The following C1orf87 variants were observed in gnomAD, a reference collection of about 807,000 sequenced individuals.
C1orf87 encodes uncharacterized protein C1orf87.
C1orf87 carries 58 observed loss-of-function variants against 60.5 expected under a neutral mutation model. That is an observed-to-expected ratio of 0.96 (90% confidence interval 0.78 to 1.19). The LOEUF is 1.19. Ranked by LOEUF, C1orf87 falls within the 50% of genes most tolerant of loss-of-function variation. The pLI is 0.00. For synonymous variants in C1orf87, 236 were observed against 227.4 expected, an observed-to-expected ratio of 1.04 and a Z score of -0.34; for missense variants, 673 against 638.6, an observed-to-expected ratio of 1.05 and a Z score of -0.58.
At chr1:60,049,243 G>T (rs960933414) in intron 3 of C1orf87, among the ~76,000 whole-genome samples, 5 of 151,902 alleles carry the variant, frequency 3.3e-5, no homozygotes, top group African/African-American at 1.2e-4. Context: ...TTCCAACAAA[G>T]TATATTATCA....
intron 9 of C1orf87, among the ~76,000 whole-genome samples, chr1:60,006,749 G>C (rs1053056414): frequency 6.6e-6 from 1 of 151,908 alleles, no homozygotes; most frequent in Non-Finnish European, 1.5e-5. Context: ...TGTCTTAATG[G>C]GAGTTCATCA....
At chr1:60,028,340 C>G (rs547945345) in intron 7 of C1orf87, among the ~76,000 whole-genome samples, 4 of 152,206 alleles carry the variant, frequency 2.6e-5, no homozygotes, top group African/African-American at 9.6e-5. Flanking sequence ...ATCAGGGTTC[C>G]TAGAAGCAGA....
chr1:60,033,618 G>A lies in C1orf87; in HGVS notation c.887C>T (p.Ser296Leu). 1.2e-6 allele frequency: 2 copies of A among 1,613,072 alleles called. No homozygotes were observed. The highest frequency in any genetic ancestry group is 1.7e-6 in the Non-Finnish European group (2 of 1,179,448). ...CAGACTCCTGTTCACTTCTGGCTGTGAGCTGGAGTGCTGAGGTGGAGTGCT... is the reference window on the plus strand; with the variant it reads ...CAGACTCCTGTTCACTTCTGGCTGTAAGCTGGAGTGCTGAGGTGGAGTGCT... ...SQSTPPQHSSSQPEVNRSLLE... is the reference protein window; with the variant it reads ...SQSTPPQHSSLQPEVNRSLLE... The change falls in exon 7 of 12, where the codon TCA (serine) becomes TTA (leucine). Residue 296 changes from serine to leucine, a missense_variant. Coordinates refer to ENST00000371201, the MANE Select transcript of C1orf87 (RefSeq NM_152377.3).
chr1:60,032,222 T>C (rs1234539150), intron 7 of C1orf87, among the ~76,000 whole-genome samples: 3 of 152,084 alleles, frequency 2.0e-5, no homozygotes, highest in Non-Finnish European at 2.9e-5. Context: ...CTAACAGGGA[T>C]TTTTTGGCCT....
At position 60,033,500 on chromosome 1, in the gene C1orf87, G is replaced by A. The variant is rs1251926055; in HGVS notation, c.1005C>T (p.Phe335=). ...NLSFRKEDRS[F]SGCLPLPKVR... ...CCTTAGGTAGAGGGAGGCAGCCAGA[G>A]AACGAGCGATCTTCTTTTCGAAAAC... Residue 335 remains phenylalanine (F), a synonymous_variant, in exon 7 of 12, where the codon TTC becomes TTT. Transcript: ENST00000371201. 5.6e-6 allele frequency: 9 copies of A among 1,613,938 alleles called. No homozygotes were observed. The Middle Eastern group carries it at 6.6e-4, about 118-fold the overall frequency.
chr1:60,064,141 T>C (rs1280919427), intron 2 of C1orf87, among the ~76,000 whole-genome samples: 1 of 151,262 alleles, frequency 6.6e-6, no homozygotes, highest in East Asian at 1.9e-4. Context: ...CTCCAAGTTG[T>C]TCAGTTTTGG....
At chr1:60,020,424 G>GTC (rs1645155270) in intron 8 of C1orf87, among the ~76,000 whole-genome samples, 2 of 152,342 alleles carry the variant, frequency 1.3e-5, no homozygotes, top group Non-Finnish European at 2.9e-5. Context: ...AGCAGTCAAA[G>GTC]TAGCTGTACC....
chr1:60,023,686 A>G (rs1344233303), intron 8 of C1orf87, among the ~76,000 whole-genome samples: 1 of 152,174 alleles, frequency 6.6e-6, no homozygotes, highest in Non-Finnish European at 1.5e-5. Flanking sequence ...ATTAAAGTCC[A>G]TAATTCCAAT....
At chr1:60,068,863 G>A (rs188283287) in intron 2 of C1orf87, among the ~76,000 whole-genome samples, 6 of 152,050 alleles carry the variant, frequency 3.9e-5, no homozygotes, top group South Asian at 4.2e-4. Flanking sequence ...CTCCTGTCAC[G>A]TGGCATGTTA....
intron 4 of C1orf87, among the ~76,000 whole-genome samples, chr1:60,040,755 ATTTT>A (rs34709077): frequency 7.6e-6 from 1 of 132,120 alleles, no homozygotes; most frequent in Non-Finnish European, 1.6e-5. Context: ...ACTGTCTTTA[ATTTT>A]TTTTTTTTTT....
chr1:60,040,954 A>G (rs1557471687), intron 4 of C1orf87, 37 bp downstream of exon 4: 1 of 1,552,844 alleles, frequency 6.4e-7, no homozygotes, highest in Admixed American at 1.8e-5. Context: ...TCCTTCATCT[A>G]CAATAGACAC....
Position 60,061,776 on chromosome 1 carries a change from CAAAAAAA to C in C1orf87, c.108-6345_108-6339del, listed in dbSNP as rs57844722. On this transcript the variant is annotated intron_variant, in intron 2 of 11. Transcript: ENST00000371201. ...CAACATGGCCAAACCCCATCTCTAC[CAAAAAAA>C]AAAAAAAAAAAAAAAAAAATAGCTG... Among the ~76,000 whole-genome samples the C allele has an allele frequency of 7.1e-4, 38 of 53,172 alleles. 2 individuals carry two copies. The highest frequency in any genetic ancestry group is 3.0e-3 in the East Asian group (5 of 1,668). The allele number at this position is 53,172 out of a possible 152,430, so 34.9% of individuals were successfully genotyped here. A position where few individuals can be genotyped will look rare whatever the true frequency, so the allele number is the denominator to read the frequency against.
At chr1:60,008,265 T>C (rs1292389061) in intron 9 of C1orf87, among the ~76,000 whole-genome samples, 1 of 152,084 alleles carries the variant, frequency 6.6e-6, no homozygotes, top group Admixed American at 6.6e-5. Context: ...CAGGTTTGCA[T>C]TTTTCTTTTA....
intron 2 of C1orf87, among the ~76,000 whole-genome samples, chr1:60,064,600 T>G (rs1645523051): frequency 9.5e-6 from 1 of 105,138 alleles, no homozygotes; most frequent in East Asian, 2.4e-4. Flanking sequence ...AATATATATA[T>G]GTCCTATATA....
chr1:60,064,329 A>G (rs1182529802), intron 2 of C1orf87, among the ~76,000 whole-genome samples: 1 of 142,482 alleles, frequency 7.0e-6, no homozygotes, highest in Non-Finnish European at 1.5e-5. Context: ...TATATATTAT[A>G]TATACTATAT....
In C1orf87 at chr1:60,034,120, C is replaced by A. The variant is rs1574312127; in HGVS notation, c.864-479G>T. On this transcript the variant is annotated intron_variant, in intron 6 of 11. Transcript: ENST00000371201. ...ACAGCCTAGTTCCCTGGGAGGAAAT[C>A]CTGAACCAGCTGGATTTCCTGCATT... Among the ~76,000 whole-genome samples the A allele has an allele frequency of 2.0e-5, 3 of 152,280 alleles. No homozygotes were observed. In the South Asian group the frequency reaches 6.2e-4, roughly 32 times the overall value.
chr1:60,014,427 C>T (rs964441684), intron 8 of C1orf87, among the ~76,000 whole-genome samples: 2 of 152,074 alleles, frequency 1.3e-5, no homozygotes, highest in African/African-American at 4.8e-5. Context: ...ACTAGAGTCC[C>T]TGTTAGTCAG....
At chr1:60,071,790 A>G (rs1221104752) in intron 2 of C1orf87, among the ~76,000 whole-genome samples, 1 of 152,216 alleles carries the variant, frequency 6.6e-6, no homozygotes, top group Non-Finnish European at 1.5e-5. Flanking sequence ...ATATCTTTGT[A>G]TATTTGTTCA....
At chr1:60,045,114 A>G (rs937735263) in intron 3 of C1orf87, among the ~76,000 whole-genome samples, 3 of 152,200 alleles carry the variant, frequency 2.0e-5, no homozygotes, top group Non-Finnish European at 2.9e-5. Flanking sequence ...AACATTATGC[A>G]ATGGATAGCT....
Sources: gnomAD v4.1 joint callset for allele counts (sites outside exome capture counted in the v4.1 genomes callset) on GRCh38, gnomAD v4.1.1 for gene constraint, MANE v1.5 for transcripts, NCBI Gene and HGNC (gene_info 2026-07-23, HGNC 2026-07-21) for gene names.